The following THRB variants were observed in gnomAD, a reference collection of about 807,000 sequenced individuals.
THRB encodes the protein nuclear receptor subfamily 1 group A member 2.
In THRB, 12 loss-of-function variants were observed where a neutral mutation model predicts 47.8. The ratio of observed to expected loss-of-function variants is 0.25; its 90% CI spans 0.16 to 0.41. The LOEUF is 0.41. THRB is among the 10% of genes least tolerant of loss of function. THRB has a pLI of 1.00. For missense variants in THRB, 348 were observed against 589.2 expected (o/e 0.59, Z 4.24); for synonymous variants, 218 against 212.2 (o/e 1.03, Z -0.24).
intron 4 of THRB, among the ~76,000 whole-genome samples, chr3:24,203,691 G>A (rs2044883168): frequency 6.6e-6 from 1 of 152,228 alleles, no homozygotes; most frequent in South Asian, 2.1e-4. Flanking sequence ...CTGAGTGTGA[G>A]CCGAAGCAGG....
At chr3:24,451,750 A>G (rs2125539310) in intron 1 of THRB, among the ~76,000 whole-genome samples, 1 of 152,308 alleles carries the variant, frequency 6.6e-6, no homozygotes, top group South Asian at 2.1e-4. Flanking sequence ...TCATTTAGGG[A>G]GTGAATCAGA....
intron 4 of THRB, among the ~76,000 whole-genome samples, chr3:24,210,305 G>A (rs1186313114): frequency 1.3e-5 from 2 of 152,130 alleles, no homozygotes; most frequent in Non-Finnish European, 1.5e-5. Context: ...TTCCATACCT[G>A]CATGTTCCCT....
At chr3:24,441,159 C>A (rs561688761) in intron 1 of THRB, among the ~76,000 whole-genome samples, 1 of 152,300 alleles carries the variant, frequency 6.6e-6, no homozygotes, top group East Asian at 1.9e-4. Flanking sequence ...CCATTCTATG[C>A]CATGTGGCTT....
chr3:24,190,580 C>T (rs1184334939), intron 4 of THRB, among the ~76,000 whole-genome samples: 2 of 152,130 alleles, frequency 1.3e-5, no homozygotes, highest in Admixed American at 6.5e-5. Context: ...ACATTAGTTC[C>T]TGCATGGCAA....
chr3:24,407,346 A>AT (rs5847292), intron 1 of THRB, among the ~76,000 whole-genome samples: 110,406 of 150,534 alleles, frequency 0.73, 40,949 homozygotes, highest in African/African-American at 0.84. Flanking sequence ...GATTGCAAAC[A>AT]TTTTTTTTTC....
intron 2 of THRB, among the ~76,000 whole-genome samples, chr3:24,331,712 T>C (rs879641883): frequency 1.3e-5 from 2 of 151,962 alleles, no homozygotes; most frequent in African/African-American, 2.4e-5. Flanking sequence ...TGTTTAAACA[T>C]AGTTCACAGT....
intron 3 of THRB, among the ~76,000 whole-genome samples, chr3:24,245,440 A>C (rs1281071413): frequency 6.6e-6 from 1 of 152,164 alleles, no homozygotes; most frequent in East Asian, 1.9e-4. Flanking sequence ...GTGCACAAAC[A>C]ATTCTAATTA....
At chr3:24,393,143 A>G (rs1008911041) in intron 1 of THRB, among the ~76,000 whole-genome samples, 1 of 152,142 alleles carries the variant, frequency 6.6e-6, no homozygotes, top group Non-Finnish European at 1.5e-5. Flanking sequence ...GAATCTATAC[A>G]TTGTCCTTGG....
chr3:24,307,684 C>A (rs2057453824), intron 2 of THRB, among the ~76,000 whole-genome samples: 2 of 152,024 alleles, frequency 1.3e-5, no homozygotes, highest in Admixed American at 6.6e-5. Context: ...CAGAAGATCC[C>A]AAAATTACTG....
intron 1 of THRB, among the ~76,000 whole-genome samples, chr3:24,390,784 T>TAAAAA (rs33999392): frequency 2.7e-4 from 37 of 138,232 alleles, no homozygotes; most frequent in African/African-American, 9.6e-4. Flanking sequence ...CTTTACTTTG[T>TAAAAA]AAAAAAAAAA....
At chr3:24,312,475 T>A (rs541058131) in intron 2 of THRB, among the ~76,000 whole-genome samples, 1 of 152,316 alleles carries the variant, frequency 6.6e-6, no homozygotes, top group South Asian at 2.1e-4. Context: ...AAGAGCTAAG[T>A]TTTGAGATAC....
At chr3:24,290,820 T>C (rs551396378) in intron 3 of THRB, among the ~76,000 whole-genome samples, 1 of 152,338 alleles carries the variant, frequency 6.6e-6, no homozygotes, top group East Asian at 1.9e-4. Flanking sequence ...GCTAATATTT[T>C]TCTATGCTCT....
At chr3:24,200,311 A>G (rs1266358285) in intron 4 of THRB, among the ~76,000 whole-genome samples, 1 of 152,192 alleles carries the variant, frequency 6.6e-6, no homozygotes, top group Non-Finnish European at 1.5e-5. Flanking sequence ...GCTCCCAAAC[A>G]TGAAATACCC....
intron 1 of THRB, among the ~76,000 whole-genome samples, chr3:24,481,505 CA>C (rs1295037381): frequency 1.3e-5 from 2 of 152,124 alleles, no homozygotes; most frequent in African/African-American, 4.8e-5. Flanking sequence ...TTGTTTAACA[CA>C]CAGTCCTTGC....
At chr3:24,298,843 T>A (rs962503102) in intron 2 of THRB, among the ~76,000 whole-genome samples, 2 of 152,244 alleles carry the variant, frequency 1.3e-5, no homozygotes, top group African/African-American at 4.8e-5. Flanking sequence ...TGATTATGGA[T>A]TGTGACTCAT....
chr3:24,421,511 GTGTCTTTCT>G (rs568546945), intron 1 of THRB, among the ~76,000 whole-genome samples: 259 of 151,916 alleles, frequency 1.7e-3, no homozygotes, highest in African/African-American at 5.9e-3. Context: ...TGTCATTATA[GTGTCTTTCT>G]TGTCTTTCTT....
At chr3:24,372,899 A>C (rs548639022) in intron 1 of THRB, among the ~76,000 whole-genome samples, 3 of 152,122 alleles carry the variant, frequency 2.0e-5, no homozygotes, top group Admixed American at 6.6e-5. Flanking sequence ...GCAATATAGA[A>C]TATCAAAAGA....
At chr3:24,417,141 C>CGT (rs1321871945) in intron 1 of THRB, among the ~76,000 whole-genome samples, 8 of 129,642 alleles carry the variant, frequency 6.2e-5, no homozygotes, top group Admixed American at 1.6e-4. Flanking sequence ...CACACACACG[C>CGT]GCAACGCGTT....
chr3:24,189,698 A>G (rs1464272328), intron 5 of THRB, among the ~76,000 whole-genome samples: 1 of 152,240 alleles, frequency 6.6e-6, no homozygotes, highest in Non-Finnish European at 1.5e-5. Context: ...TTGGGAAAAG[A>G]AATGTACACA....
Sources: gnomAD v4.1 joint callset for allele counts (sites outside exome capture counted in the v4.1 genomes callset) on GRCh38, gnomAD v4.1.1 for gene constraint, MANE v1.5 for transcripts, NCBI Gene and HGNC (gene_info 2026-07-23, HGNC 2026-07-21) for gene names.